The following GLG1 variants were observed in gnomAD, a reference collection of about 807,000 sequenced individuals.
GLG1 encodes the protein golgi glycoprotein 1.
In GLG1, 38 loss-of-function variants were observed where a neutral mutation model predicts 160.5. The ratio of observed to expected loss-of-function variants is 0.24; its 90% confidence interval spans 0.18 to 0.31. The LOEUF is 0.31. Among genes scored for constraint, GLG1 ranks in the 10% least tolerant of loss-of-function variants. GLG1 has a pLI of 1.00. For missense variants in GLG1, 1,373 were observed against 1,505.2 expected (o/e 0.91, Z 1.45); for synonymous variants, 644 against 543.4 (o/e 1.19, Z -2.57).
At chr16:74,603,634 A>G (rs933921078) in intron 1 of GLG1, among the ~76,000 whole-genome samples, 1 of 151,782 alleles carries the variant, frequency 6.6e-6, no homozygotes, top group Admixed American at 6.6e-5. Flanking sequence ...AATACAAGAC[A>G]CTAGTGGAAA....
intron 8 of GLG1, among the ~76,000 whole-genome samples, chr16:74,488,288 T>C (rs967517974): frequency 1.7e-4 from 26 of 152,124 alleles, no homozygotes; most frequent in African/African-American, 6.3e-4. Flanking sequence ...ATGCCTGTAA[T>C]CCCAGCAGTT....
chr16:74,588,063 T>C (rs562882522), intron 1 of GLG1, among the ~76,000 whole-genome samples: 17 of 150,736 alleles, frequency 1.1e-4, no homozygotes, highest in African/African-American at 3.2e-4. Context: ...GCAATAGCAA[T>C]TATCCAAAAT....
At chr16:74,567,058 T>C (rs1199686208) in intron 1 of GLG1, among the ~76,000 whole-genome samples, 1 of 152,132 alleles carries the variant, frequency 6.6e-6, no homozygotes, top group Non-Finnish European at 1.5e-5. Flanking sequence ...AAAAAGAATC[T>C]AAGAAAACCT....
chr16:74,574,860 G>C (rs1182062624), intron 1 of GLG1, among the ~76,000 whole-genome samples: 1 of 102,870 alleles, frequency 9.7e-6, no homozygotes, highest in Non-Finnish European at 1.8e-5. Flanking sequence ...CTCCAGCCTG[G>C]GTAAGAGAGC....
chr16:74,488,548 G>T (rs377567799), intron 8 of GLG1, among the ~76,000 whole-genome samples: 10 of 152,094 alleles, frequency 6.6e-5, no homozygotes, highest in African/African-American at 2.4e-4. Context: ...TAAAAACCCT[G>T]GGTCCATAAA....
chr16:74,582,543 G>A (rs958083302), intron 1 of GLG1, among the ~76,000 whole-genome samples: 6 of 152,048 alleles, frequency 3.9e-5, no homozygotes, highest in African/African-American at 9.7e-5. Flanking sequence ...GGGTTCTGCC[G>A]GGCGTGGGGG....
intron 15 of GLG1, 107 bp downstream of exon 15, chr16:74,471,066 T>C (rs2015191472): frequency 2.7e-6 from 2 of 734,852 alleles, no homozygotes; most frequent in Non-Finnish European, 4.9e-6. Context: ...TGGAAAAAAA[T>C]GACTTTTAAC....
chr16:74,471,747 A>T (rs1440133329), intron 14 of GLG1, among the ~76,000 whole-genome samples: 1 of 152,158 alleles, frequency 6.6e-6, no homozygotes, highest in Non-Finnish European at 1.5e-5. Context: ...TCCTAGGCTG[A>T]TGTACTGGAA....
chr16:74,560,817 G>A (rs1004617663), intron 1 of GLG1, among the ~76,000 whole-genome samples: 36 of 151,186 alleles, frequency 2.4e-4, no homozygotes, highest in African/African-American at 7.0e-4. Context: ...ATCCCATCTC[G>A]AAAGAAAAAA....
intron 16 of GLG1, 144 bp downstream of exon 16, chr16:74,469,841 C>A: frequency 1.5e-6 from 1 of 649,152 alleles, no homozygotes; most frequent in Non-Finnish European, 2.8e-6. Flanking sequence ...CGAGTGTTTG[C>A]CACGCTAATC....
intron 1 of GLG1, among the ~76,000 whole-genome samples, chr16:74,541,015 A>G (rs1318845966): frequency 2.0e-5 from 3 of 152,306 alleles, no homozygotes; most frequent in East Asian, 1.9e-4. Context: ...CCACACTACT[A>G]CTACCGAAAT....
At position 74,549,089 on chromosome 16, in the gene GLG1, A is replaced by C. The variant is rs377586735; in HGVS notation, c.439-16936T>G. Among the ~76,000 whole-genome samples, 1,039 of 152,346 alleles carry C rather than the reference A, an allele frequency of 6.8e-3. 1 individual carries two copies. The highest frequency in any genetic ancestry group is 8.1e-3 in the Non-Finnish European group (554 of 68,020). On this transcript the variant is annotated intron_variant, in intron 1 of 25. Transcript: ENST00000422840. ...TGTTGGTTCAATGAATCAATCTTAT[A>C]CATTCCTCTCTGAGCTTTAAGCATT...
Position 74,515,335 on chromosome 16 carries a change from G to C in GLG1, c.472-6410C>G, listed in dbSNP as rs144438933. On this transcript the variant is annotated intron_variant, in intron 2 of 25. Coordinates refer to ENST00000422840, the MANE Select transcript of GLG1 (RefSeq NM_001145667.2). The stretch of plus-strand genomic sequence containing the variant: ...CAGAACTCTCCACCCCAAATCAACA[G>C]AATATACATTCTTCTCAGCACCACA... 5.1e-3 allele frequency among the ~76,000 whole-genome samples: 771 copies of C among 152,234 alleles called. 49 individuals carry two copies. The East Asian group carries it at 0.13, about 26-fold the overall frequency.
intron 4 of GLG1, among the ~76,000 whole-genome samples, chr16:74,503,320 C>T (rs2016479029): frequency 6.6e-6 from 1 of 152,082 alleles, no homozygotes; most frequent in African/African-American, 2.4e-5. Flanking sequence ...GTATTAATTC[C>T]TCTGCTTCCC....
At chr16:74,507,358 T>C (rs1459209086) in intron 3 of GLG1, among the ~76,000 whole-genome samples, 3 of 152,132 alleles carry the variant, frequency 2.0e-5, no homozygotes, top group African/African-American at 7.2e-5. Context: ...ATCAAACTGG[T>C]ATGTATTTAA....
intron 1 of GLG1, among the ~76,000 whole-genome samples, chr16:74,547,202 T>C (rs2018072720): frequency 6.6e-6 from 1 of 151,088 alleles, no homozygotes; most frequent in South Asian, 2.1e-4. Flanking sequence ...AAAAACAATT[T>C]CTATAAATGT....
intron 19 of GLG1, among the ~76,000 whole-genome samples, chr16:74,464,743 A>G (rs1249340743): frequency 6.6e-6 from 1 of 152,202 alleles, no homozygotes. Context: ...AACTTTCAAA[A>G]TTCTCTCTAG....
chr16:74,525,446 G>A (rs1597308505), intron 2 of GLG1, among the ~76,000 whole-genome samples: 1 of 152,184 alleles, frequency 6.6e-6, no homozygotes, highest in East Asian at 1.9e-4. Flanking sequence ...ATACCACCGT[G>A]CCTGGCTACA....
intron 23 of GLG1, among the ~76,000 whole-genome samples, 155 bp downstream of exon 23, chr16:74,459,527 A>G (rs1172008064): frequency 6.6e-6 from 1 of 152,174 alleles, no homozygotes; most frequent in Non-Finnish European, 1.5e-5. Context: ...AAATCAAATG[A>G]AAGTTTGGTA....
Sources: allele counts gnomAD v4.1 joint callset (sites outside exome capture counted in the v4.1 genomes callset), GRCh38; gene constraint gnomAD v4.1.1; transcripts MANE v1.5; gene names NCBI Gene and HGNC (gene_info 2026-07-23, HGNC 2026-07-21).